Variants in LMNTD1 observed in about 807,000 individuals in gnomAD.
LMNTD1 encodes the protein lamin tail domain containing 1.
In LMNTD1, 35 loss-of-function variants were observed where a neutral mutation model predicts 50.9. The ratio of observed to expected loss-of-function variants is 0.69; its 90% confidence interval spans 0.53 to 0.91. LMNTD1 has a LOEUF of 0.91. Ranked by LOEUF, LMNTD1 falls within the 40% of genes least tolerant of loss-of-function variation. The pLI is 0.00. For missense variants in LMNTD1, 470 were observed against 475.5 expected (o/e 0.99, Z 0.11); for synonymous variants, 153 against 161.9 (o/e 0.94, Z 0.42).
chr12:25,619,381 C>T (rs189893772), intron 1 of LMNTD1, among the ~76,000 whole-genome samples: 61 of 152,134 alleles, frequency 4.0e-4, no homozygotes, highest in Admixed American at 9.8e-4. Flanking sequence ...AAGTTCTATA[C>T]GCAAAACATA....
intron 6 of LMNTD1, among the ~76,000 whole-genome samples, chr12:25,523,223 G>A (rs1941466789): frequency 6.6e-6 from 1 of 151,960 alleles, no homozygotes; most frequent in Non-Finnish European, 1.5e-5. Flanking sequence ...TAGTAGAGAT[G>A]GGGTTTCACC....
intron 2 of LMNTD1, among the ~76,000 whole-genome samples, chr12:25,549,872 T>C (rs1402062452): frequency 1.8e-4 from 27 of 152,178 alleles, no homozygotes. Flanking sequence ...TCCAGGCTTT[T>C]AAATGTACTT....
chr12:25,534,580 C>T (rs561490722), intron 4 of LMNTD1, among the ~76,000 whole-genome samples: 10 of 152,118 alleles, frequency 6.6e-5, no homozygotes, highest in Admixed American at 5.2e-4. Flanking sequence ...AGAGCGCTGG[C>T]GATTTTCAGA....
intron 4 of LMNTD1, among the ~76,000 whole-genome samples, chr12:25,543,206 T>C (rs1328174851): frequency 6.6e-6 from 1 of 151,724 alleles, no homozygotes; most frequent in Non-Finnish European, 1.5e-5. Flanking sequence ...TGAAAAAAAA[T>C]TACTTCTACA....
At chr12:25,494,961 T>G (rs2135924019) in intron 9 of LMNTD1, among the ~76,000 whole-genome samples, 1 of 152,296 alleles carries the variant, frequency 6.6e-6, no homozygotes, top group Non-Finnish European at 1.5e-5. Flanking sequence ...CCTGTTTAAC[T>G]GAAGCTTTGT....
At chr12:25,483,981 G>A (rs1393753906) in intron 9 of LMNTD1, among the ~76,000 whole-genome samples, 1 of 151,784 alleles carries the variant, frequency 6.6e-6, no homozygotes, top group East Asian at 1.9e-4. Flanking sequence ...TTTCTACAAA[G>A]TTCAGCCAAA....
At chr12:25,554,880 A>T (rs528391071), upstream of LMNTD1, among the ~76,000 whole-genome samples, 99 of 152,268 alleles carry the variant, frequency 6.5e-4, no homozygotes, top group African/African-American at 2.3e-3. Context: ...TCTGGCCAAC[A>T]TGATGAAACC....
chr12:25,519,589 A>T (rs1242230720), intron 7 of LMNTD1, among the ~76,000 whole-genome samples: 37 of 142,690 alleles, frequency 2.6e-4, no homozygotes, highest in Admixed American at 7.0e-4. Flanking sequence ...CTCTGTCTCA[A>T]AAAAAAAAAA....
chr12:25,600,997 C>G (rs1945956298), intron 1 of LMNTD1, among the ~76,000 whole-genome samples: 1 of 151,820 alleles, frequency 6.6e-6, no homozygotes, highest in Non-Finnish European at 1.5e-5. Flanking sequence ...ATATCTGCAC[C>G]CCCATGTATG....
chr12:25,599,793 A>T (rs575274182), intron 1 of LMNTD1, among the ~76,000 whole-genome samples: 1 of 152,066 alleles, frequency 6.6e-6, no homozygotes, highest in Non-Finnish European at 1.5e-5. Flanking sequence ...CGAAAGAAAT[A>T]GAAGTGGACA....
chr12:25,581,445 T>C (rs1945283397), intron 1 of LMNTD1, among the ~76,000 whole-genome samples: 3 of 152,120 alleles, frequency 2.0e-5, no homozygotes, highest in South Asian at 4.1e-4. Flanking sequence ...TTGAACCTAT[T>C]AGGATTAGGA....
Position 25,595,719 on chromosome 12 carries a change from T to C in LMNTD1, c.59-49165A>G, listed in dbSNP as rs548404949. Among the ~76,000 whole-genome samples the C allele has an allele frequency of 4.0e-5, 6 of 151,364 alleles. No individual in the cohort carries two copies. In the East Asian group the frequency reaches 1.2e-3, roughly 29 times the overall value. On this transcript the variant is annotated intron_variant, in intron 1 of 7. Coordinates refer to the LMNTD1 transcript ENST00000445693. ...CCCAAACCTAGCAGAAGAAAGGAAA[T>C]AACCAACATCACAGCAGAACTAAAT...
intron 1 of LMNTD1, among the ~76,000 whole-genome samples, chr12:25,585,560 C>T (rs535260356): frequency 6.6e-6 from 1 of 152,288 alleles, no homozygotes; most frequent in East Asian, 1.9e-4. Context: ...CTTTTCCCCC[C>T]AGGTAAAATC....
At chr12:25,514,233 G>A (rs1029720152) in intron 8 of LMNTD1, among the ~76,000 whole-genome samples, 1 of 152,120 alleles carries the variant, frequency 6.6e-6, no homozygotes, top group Non-Finnish European at 1.5e-5. Context: ...AAGCATAGGA[G>A]GGAGGTGGTA....
chr12:25,504,976 A>C (rs1189324563), intron 8 of LMNTD1, among the ~76,000 whole-genome samples: 3 of 152,238 alleles, frequency 2.0e-5, no homozygotes, highest in Non-Finnish European at 4.4e-5. Context: ...GACCTTGTAA[A>C]TATTTTATGT....
At chr12:25,610,326 T>C (rs938987082) in intron 1 of LMNTD1, among the ~76,000 whole-genome samples, 7 of 152,098 alleles carry the variant, frequency 4.6e-5, no homozygotes, top group African/African-American at 1.7e-4. Context: ...TGCTTCAGCT[T>C]GCCCTCTGTG....
At chr12:25,566,243 A>G (rs775881174) in intron 1 of LMNTD1, among the ~76,000 whole-genome samples, 2 of 152,012 alleles carry the variant, frequency 1.3e-5, no homozygotes, top group Non-Finnish European at 2.9e-5. Context: ...TGCCCTTTCA[A>G]GTCTATTTTC....
chr12:25,637,097 T>A (rs1453403749), intron 1 of LMNTD1, among the ~76,000 whole-genome samples: 1 of 152,178 alleles, frequency 6.6e-6, no homozygotes, highest in Non-Finnish European at 1.5e-5. Flanking sequence ...AAAAACTTGC[T>A]CATGTAACCA....
intron 9 of LMNTD1, among the ~76,000 whole-genome samples, chr12:25,490,616 T>TA (rs1327347261): frequency 6.6e-6 from 1 of 152,222 alleles, no homozygotes; most frequent in Non-Finnish European, 1.5e-5. Context: ...AATTCAGAAC[T>TA]AAAGCCTTCC....
Sources: allele counts gnomAD v4.1 joint callset (sites outside exome capture counted in the v4.1 genomes callset), GRCh38; gene constraint gnomAD v4.1.1; transcripts MANE v1.5; gene names NCBI Gene and HGNC (gene_info 2026-07-23, HGNC 2026-07-21).